Variants in PLXDC2 observed in about 807,000 individuals in gnomAD.
The protein encoded by PLXDC2 is plexin domain-containing protein 2.
In PLXDC2, 40 loss-of-function variants were observed where a neutral mutation model predicts 68.9. The observed-to-expected ratio is 0.58, with a 90% CI of 0.45 to 0.76. The LOEUF is 0.76. Among genes scored for constraint, PLXDC2 ranks in the 30% least tolerant of loss-of-function variants. PLXDC2 has a pLI of 0.00. For synonymous variants in PLXDC2, 243 were observed against 234.2 expected (o/e 1.04, Z -0.34); for missense variants, 644 against 661.9 (o/e 0.97, Z 0.30).
At position 20,287,401 on chromosome 10, in the gene PLXDC2, T is replaced by C. The variant is rs1261227569; in HGVS notation, c.*7582T>C. 6.6e-6 allele frequency: 1 copy of C among 152,190 alleles called. No homozygotes were observed. Among genetic ancestry groups the C allele is most frequent in the African/African-American group, 2.4e-5 (1 of 41,450 alleles). The allele number at this position is 152,190 out of a possible 1,614,324, so 9.4% of individuals were successfully genotyped here. On this transcript the variant is annotated 3_prime_UTR_variant, in exon 14 of 14. Transcript: ENST00000377252. Reference sequence around the variant, plus strand: ...GAAAGGTTAAGAGATGGCACTTTCCTTTCCGGGCCCAGAGCTGGATTTCTC... The same window carrying C: ...GAAAGGTTAAGAGATGGCACTTTCCCTTCCGGGCCCAGAGCTGGATTTCTC...
intron 1 of PLXDC2, among the ~76,000 whole-genome samples, chr10:19,884,849 G>C (rs1316845938): frequency 1.3e-5 from 2 of 152,150 alleles, no homozygotes; most frequent in African/African-American, 4.8e-5. Flanking sequence ...ATGATTTATA[G>C]TCCTTTGGGT....
At chr10:20,046,005 A>G (rs963990005) in intron 2 of PLXDC2, among the ~76,000 whole-genome samples, 1 of 152,148 alleles carries the variant, frequency 6.6e-6, no homozygotes. Flanking sequence ...AGGTAACACC[A>G]ACAATGAGAA....
At chr10:19,870,919 C>T (rs1387026292) in intron 1 of PLXDC2, among the ~76,000 whole-genome samples, 1 of 152,162 alleles carries the variant, frequency 6.6e-6, no homozygotes, top group East Asian at 1.9e-4. Flanking sequence ...AAGCAGGTTC[C>T]ATCAGGTAGA....
chr10:20,101,387 A>G lies in PLXDC2; in HGVS notation c.541+33148A>G, dbSNP rs555619871. On this transcript the variant is annotated intron_variant, in intron 4 of 13. Transcript: ENST00000377252. ...TTCTTTAGACTGAGACTCCTAAGGA[A>G]TCTACTGTCTAGATCAATCCTTTCT... Among the ~76,000 whole-genome samples, 114 of 152,292 alleles carry G rather than the reference A, an allele frequency of 7.5e-4. 1 individual carries two copies. The highest frequency in any genetic ancestry group is 2.7e-3 in the African/African-American group (112 of 41,568).
intron 1 of PLXDC2, among the ~76,000 whole-genome samples, chr10:19,895,790 C>G (rs187041477): frequency 5.3e-5 from 8 of 152,198 alleles, no homozygotes; most frequent in Admixed American, 5.2e-4. Flanking sequence ...CATGGTGGCT[C>G]GTGCCTGTAA....
intron 1 of PLXDC2, among the ~76,000 whole-genome samples, chr10:19,857,576 G>A (rs1279546592): frequency 6.6e-6 from 1 of 152,162 alleles, no homozygotes; most frequent in East Asian, 1.9e-4. Flanking sequence ...TGTCTGAAGG[G>A]TTCATTGTCA....
intron 1 of PLXDC2, among the ~76,000 whole-genome samples, chr10:19,870,438 T>A (rs560707141): frequency 8.7e-5 from 13 of 149,746 alleles, no homozygotes; most frequent in African/African-American, 3.2e-4. Flanking sequence ...TTTTTTTTTA[T>A]TTTTTGAGAC....
In PLXDC2 at chr10:19,820,296, G is replaced by T. The variant is rs1214940143; in HGVS notation, c.112+3105G>T. 2.0e-5 allele frequency among the ~76,000 whole-genome samples: 3 copies of T among 152,116 alleles called. No homozygotes were observed. In the East Asian group the frequency reaches 5.8e-4, roughly 29 times the overall value. ...AAGATAATAATTTTGCTCCAGACAG[G>T]TTTCTTCACTGTAAGCATCAGATAC... On this transcript the variant is annotated intron_variant, in intron 1 of 13. Transcript: ENST00000377252.
intron 1 of PLXDC2, among the ~76,000 whole-genome samples, chr10:19,843,727 C>T (rs1836948215): frequency 6.6e-6 from 1 of 152,076 alleles, no homozygotes; most frequent in South Asian, 2.1e-4. Context: ...AATGTGATCT[C>T]CTGGAGCTAA....
Position 19,898,237 on chromosome 10 carries a change from G to A in PLXDC2, c.112+81046G>A, listed in dbSNP as rs115314352. ...TTTAGATTCAGGTGGCACATGTGCA[G>A]GCTTGTTACTAGAGTATATTGTGTG... On this transcript the variant is annotated intron_variant, in intron 1 of 13. Coordinates refer to ENST00000377252, the MANE Select transcript of PLXDC2 (RefSeq NM_032812.9). Among the ~76,000 whole-genome samples the A allele has an allele frequency of 5.7e-3, 861 of 152,248 alleles. 3 individuals carry two copies. The highest frequency in any genetic ancestry group is 0.019 in the African/African-American group (788 of 41,544).
At chr10:19,963,005 A>G (rs997775537) in intron 1 of PLXDC2, among the ~76,000 whole-genome samples, 1 of 151,824 alleles carries the variant, frequency 6.6e-6, no homozygotes, top group Non-Finnish European at 1.5e-5. Context: ...AAAAAAAAAA[A>G]AAAAAGTTTA....
intron 2 of PLXDC2, among the ~76,000 whole-genome samples, chr10:20,020,015 C>CT (rs71287311): frequency 0.32 from 47,337 of 148,534 alleles, 7,451 homozygotes; most frequent in East Asian, 0.4. Context: ...TCTTTTCTTG[C>CT]TTTTTTTTTT....
At chr10:19,947,989 T>C (rs551504386) in intron 1 of PLXDC2, among the ~76,000 whole-genome samples, 29 of 152,310 alleles carry the variant, frequency 1.9e-4, no homozygotes, top group Non-Finnish European at 3.2e-4. Context: ...TGTTTGAGAC[T>C]GTGTTACTCA....
chr10:20,279,749 G>C lies in PLXDC2; in HGVS notation c.1520G>C (p.Gly507Ala). ...GCGATGAAGTTTAGAAGAGGCTCTGGACATCCTGCCTATGCTGAAGTTGAA... is the reference window on the plus strand; with the variant it reads ...GCGATGAAGTTTAGAAGAGGCTCTGCACATCCTGCCTATGCTGAAGTTGAA... ...WPAMKFRRGS[G>A]HPAYAEVEPV... The change falls in exon 14 of 14, where the codon GGA becomes GCA. Residue 507 changes from glycine (G) to alanine (A), a missense_variant. Gly to Ala is a moderately conservative substitution (Grantham distance 60, BLOSUM62 0). Transcript: ENST00000377252. 6.2e-7 allele frequency: 1 copy of C among 1,613,968 alleles called. No individual in the cohort carries two copies. The highest frequency in any genetic ancestry group is 1.7e-5 in the Admixed American group (1 of 59,988).
At chr10:19,889,579 CT>C (rs1186509583) in intron 1 of PLXDC2, among the ~76,000 whole-genome samples, 4 of 152,128 alleles carry the variant, frequency 2.6e-5, no homozygotes, top group African/African-American at 9.7e-5. Context: ...GTGTTATTTT[CT>C]TATTTGCTTT....
intron 2 of PLXDC2, among the ~76,000 whole-genome samples, chr10:20,012,127 G>A (rs1835124621): frequency 6.6e-6 from 1 of 151,898 alleles, no homozygotes; most frequent in African/African-American, 2.4e-5. Context: ...AAATAGAGAA[G>A]GCATTTAATT....
At chr10:20,223,589 G>A (rs752705041) in intron 12 of PLXDC2, among the ~76,000 whole-genome samples, 4 of 151,846 alleles carry the variant, frequency 2.6e-5, no homozygotes, top group Non-Finnish European at 4.4e-5. Flanking sequence ...CTGGGATTAC[G>A]GGTGTAAGCC....
intron 1 of PLXDC2, among the ~76,000 whole-genome samples, chr10:19,880,394 A>T (rs1179701309): frequency 6.6e-6 from 1 of 152,234 alleles, no homozygotes; most frequent in Non-Finnish European, 1.5e-5. Context: ...TAAATAAATT[A>T]TGCACTGTAA....
At chr10:20,158,715 T>C (rs1010423956) in intron 6 of PLXDC2, among the ~76,000 whole-genome samples, 2 of 151,644 alleles carry the variant, frequency 1.3e-5, no homozygotes, top group Non-Finnish European at 2.9e-5. Flanking sequence ...AAAAGTAGTT[T>C]ATTTTAAATG....
Sources: allele counts gnomAD v4.1 joint callset (sites outside exome capture counted in the v4.1 genomes callset), GRCh38; gene constraint gnomAD v4.1.1; transcripts MANE v1.5; gene names NCBI Gene and HGNC (gene_info 2026-07-23, HGNC 2026-07-21).